Variants in SEMA6D observed in about 807,000 individuals in gnomAD.
The protein encoded by SEMA6D is semaphorin 6D.
Under a neutral mutation model 106.6 loss-of-function variants are expected in SEMA6D, and 35 were observed. The ratio of observed to expected loss-of-function variants is 0.33; its 90% CI spans 0.25 to 0.44. SEMA6D has a LOEUF of 0.44. Among genes scored for constraint, SEMA6D ranks in the 20% least tolerant of loss-of-function variants. The pLI is 1.00. For synonymous variants in SEMA6D, 499 were observed against 487.7 expected, an observed-to-expected ratio of 1.02 and a Z score of -0.31; for missense variants, 1,185 against 1,345.9, an observed-to-expected ratio of 0.88 and a Z score of 1.87.
chr15:47,567,807 C>G (rs1023338598), intron 3 of SEMA6D, among the ~76,000 whole-genome samples: 1 of 152,018 alleles, frequency 6.6e-6, no homozygotes. Context: ...AGGCCCTTAA[C>G]AAGAGATTAT....
upstream of SEMA6D, among the ~76,000 whole-genome samples, chr15:47,715,913 C>T (rs1055923987): frequency 3.9e-5 from 6 of 152,208 alleles, no homozygotes; most frequent in Non-Finnish European, 7.3e-5. Flanking sequence ...TGCACAGTAT[C>T]CTCTGCCTGC....
At chr15:47,634,161 G>A (rs181392807) in intron 4 of SEMA6D, among the ~76,000 whole-genome samples, 22 of 152,126 alleles carry the variant, frequency 1.4e-4, no homozygotes, top group Admixed American at 7.2e-4. Context: ...AGGCTAGATC[G>A]GTGTGTATGT....
chr15:47,453,872 G>C (rs1275043566), intron 2 of SEMA6D, among the ~76,000 whole-genome samples: 1 of 151,856 alleles, frequency 6.6e-6, no homozygotes, highest in Non-Finnish European at 1.5e-5. Context: ...CGAAAAAGGA[G>C]CCCTCCTCAT....
At chr15:47,494,272 T>A (rs2043564788) in intron 3 of SEMA6D, among the ~76,000 whole-genome samples, 1 of 152,130 alleles carries the variant, frequency 6.6e-6, no homozygotes, top group Non-Finnish European at 1.5e-5. Flanking sequence ...TGGCTATCGC[T>A]TTCTATATTC....
intron 3 of SEMA6D, among the ~76,000 whole-genome samples, chr15:47,529,113 A>G (rs111444809): frequency 6.6e-6 from 1 of 152,194 alleles, no homozygotes; most frequent in Admixed American, 6.5e-5. Flanking sequence ...TCTTACAATC[A>G]AGTAAGCTAG....
chr15:47,633,933 C>A (rs1271476526), intron 4 of SEMA6D, among the ~76,000 whole-genome samples: 2 of 152,074 alleles, frequency 1.3e-5, no homozygotes, highest in African/African-American at 4.8e-5. Flanking sequence ...GGAAGTTTTT[C>A]TTTTGCTTAT....
At chr15:47,503,813 C>T (rs190330163) in intron 3 of SEMA6D, among the ~76,000 whole-genome samples, 5 of 152,278 alleles carry the variant, frequency 3.3e-5, no homozygotes, top group Middle Eastern at 3.4e-3. Context: ...TTCCCACACT[C>T]GGAAGTGAAC....
At chr15:47,241,035 C>T (rs781570671) in intron 1 of SEMA6D, among the ~76,000 whole-genome samples, 6 of 152,042 alleles carry the variant, frequency 3.9e-5, no homozygotes, top group Admixed American at 6.6e-5. Context: ...AATTAAAACA[C>T]CAAAAAGAAT....
At position 47,499,452 on chromosome 15, in the gene SEMA6D, C is replaced by G. The variant is rs142975472; in HGVS notation, c.-87+28907C>G. 7.0e-3 allele frequency among the ~76,000 whole-genome samples: 1,059 copies of G among 152,188 alleles called. 14 individuals carry two copies. Among genetic ancestry groups the G allele is most frequent in the African/African-American group, 0.025 (1,021 of 41,510 alleles). ...TTTGTATCAAAAATTAATTATGGAT[C>G]TATTAATTCATAACTTCATAAAATT... On this transcript the variant is annotated intron_variant, in intron 3 of 19. Transcript: ENST00000558014.
intron 1 of SEMA6D, among the ~76,000 whole-genome samples, chr15:47,373,311 C>T (rs573426007): frequency 4.9e-4 from 74 of 152,244 alleles, no homozygotes; most frequent in African/African-American, 1.7e-3. Flanking sequence ...CCTGCCTTTG[C>T]GTGTTTCTCA....
intron 2 of SEMA6D, among the ~76,000 whole-genome samples, chr15:47,449,290 T>C (rs961035567): frequency 6.6e-6 from 1 of 152,236 alleles, no homozygotes; most frequent in Non-Finnish European, 1.5e-5. Context: ...ACTGAAGATA[T>C]GTTTATGAAA....
intron 1 of SEMA6D, among the ~76,000 whole-genome samples, chr15:47,302,466 A>T (rs1270859579): frequency 6.6e-6 from 1 of 152,208 alleles, no homozygotes; most frequent in African/African-American, 2.4e-5. Flanking sequence ...ATATGTCCAC[A>T]TCTTAATCCA....
intron 2 of SEMA6D, among the ~76,000 whole-genome samples, chr15:47,449,872 G>A (rs2042136688): frequency 6.6e-6 from 1 of 152,086 alleles, no homozygotes; most frequent in African/African-American, 2.4e-5. Context: ...AGTATTAGAA[G>A]TCTCAAAATG....
intron 3 of SEMA6D, among the ~76,000 whole-genome samples, chr15:47,544,423 T>C (rs2045453718): frequency 6.6e-6 from 1 of 152,178 alleles, no homozygotes; most frequent in Non-Finnish European, 1.5e-5. Context: ...ATTGAATATC[T>C]ACTATTTGTC....
chr15:47,325,568 C>G (rs535170162), intron 1 of SEMA6D, among the ~76,000 whole-genome samples: 1 of 152,284 alleles, frequency 6.6e-6, no homozygotes, highest in East Asian at 1.9e-4. Flanking sequence ...GTATTACCTT[C>G]CAAGGCCTCA....
chr15:47,768,576 C>T lies in SEMA6D; in HGVS notation c.1766-5C>T. The T allele has an allele frequency of 6.3e-7, 1 of 1,596,120 alleles. No individual in the cohort carries two copies. The highest frequency in any genetic ancestry group is 1.7e-5 in the Admixed American group (1 of 58,968). On this transcript the variant is annotated splice_polypyrimidine_tract_variant and splice_region_variant and intron_variant, in intron 17 of 18. Coordinates refer to ENST00000536845, the MANE Select transcript of SEMA6D (RefSeq NM_001358351.3). The stretch of plus-strand genomic sequence containing the variant: ...ATATTAATAAAAATCTGTTTGCCAC[C>T]ACAGACATGGAGGTATCTTCATCTT...
chr15:47,644,548 C>T (rs979701911), intron 4 of SEMA6D, among the ~76,000 whole-genome samples: 1 of 152,176 alleles, frequency 6.6e-6, no homozygotes, highest in South Asian at 2.1e-4. Context: ...GCCATGAGGG[C>T]TCCTCCCTGG....
intron 3 of SEMA6D, among the ~76,000 whole-genome samples, chr15:47,474,195 T>G (rs1308202161): frequency 6.6e-6 from 1 of 152,122 alleles, no homozygotes; most frequent in African/African-American, 2.4e-5. Context: ...TGGAGTGAAC[T>G]GAGTTGAGAA....
chr15:47,602,182 G>C (rs1264263664), intron 4 of SEMA6D, among the ~76,000 whole-genome samples: 18 of 152,098 alleles, frequency 1.2e-4, no homozygotes, highest in Admixed American at 1.1e-3. Flanking sequence ...ATTCTATACA[G>C]TAACAAACAG....
Sources: allele counts gnomAD v4.1 joint callset (sites outside exome capture counted in the v4.1 genomes callset), GRCh38; gene constraint gnomAD v4.1.1; transcripts MANE v1.5; gene names NCBI Gene and HGNC (gene_info 2026-07-23, HGNC 2026-07-21).